The following AKAP8L variants were observed in gnomAD, a reference collection of about 807,000 sequenced individuals.
AKAP8L encodes A-kinase anchor protein 8-like.
AKAP8L carries 34 observed loss-of-function variants against 77.5 expected under a neutral mutation model. That is an observed-to-expected ratio of 0.44 (90% CI 0.33 to 0.58). AKAP8L has a LOEUF of 0.58. Among genes scored for constraint, AKAP8L ranks in the 20% least tolerant of loss-of-function variants. The probability of loss-of-function intolerance (pLI) is 0.02; values close to 1 mark genes in which losing one functional copy is unlikely to be tolerated. For synonymous variants in AKAP8L, 342 were observed against 340.7 expected (o/e 1.00, Z -0.04); for missense variants, 806 against 887.6 (o/e 0.91, Z 1.17).
chr19:15,418,585 A>C (rs1968260454), intron 1 of AKAP8L, among the ~76,000 whole-genome samples: 1 of 152,162 alleles, frequency 6.6e-6, no homozygotes, highest in Non-Finnish European at 1.5e-5. Context: ...GGGAAACCTA[A>C]GGCGTCGAGG....
intron 2 of AKAP8L, among the ~76,000 whole-genome samples, chr19:15,405,394 G>A (rs1436122039): frequency 1.3e-5 from 2 of 152,042 alleles, no homozygotes; most frequent in Non-Finnish European, 1.5e-5. Flanking sequence ...TTAGCCAGGC[G>A]TGGTGGTGCA....
Position 15,397,342 on chromosome 19 carries a change from G to C in AKAP8L, c.1406-62C>G, listed in dbSNP as rs967487990. 2 of 1,594,760 alleles carry C rather than the reference G, an allele frequency of 1.3e-6. No homozygotes were observed. Among genetic ancestry groups the C allele is most frequent in the South Asian group, 2.2e-5 (2 of 89,896 alleles). On this transcript the variant is annotated intron_variant, in intron 11 of 13. Transcript: ENST00000397410. The surrounding 1 kb of genome is among the most constrained non-coding windows in gnomAD (Gnocchi z 4.7). ...GTGCCTAAGATAGACCCAGGTGTTC[G>C]AGAAAAAAACCACACCAGCTCCTCC...
At chr19:15,412,314 G>A (rs923166476) in intron 1 of AKAP8L, among the ~76,000 whole-genome samples, 2 of 152,070 alleles carry the variant, frequency 1.3e-5, no homozygotes, top group African/African-American at 4.8e-5. Flanking sequence ...CCCAGGAGGC[G>A]GAGATTGCAG....
chr19:15,399,832 C>G lies in AKAP8L; in HGVS notation c.1049-422G>C. The G allele has an allele frequency of 3.2e-6, 1 of 312,710 alleles. No individual in the cohort carries two copies. The highest frequency in any genetic ancestry group is 6.1e-6 in the Non-Finnish European group (1 of 164,580). The allele number at this position is 312,710 out of a possible 1,614,324, so 19.4% of individuals were successfully genotyped here. On this transcript the variant is annotated intron_variant, in intron 8 of 13. Coordinates refer to ENST00000397410, the MANE Select transcript of AKAP8L (RefSeq NM_014371.4). The surrounding 1 kb of genome is among the most constrained non-coding windows in gnomAD (Gnocchi z 6.1). ...TGACGCTGGATTTGCTGTTAGGTACCTGCTGGCGCTCATCACTCAGGTGGG... is the reference window on the plus strand; with the variant it reads ...TGACGCTGGATTTGCTGTTAGGTACGTGCTGGCGCTCATCACTCAGGTGGG...
intron 1 of AKAP8L, among the ~76,000 whole-genome samples, chr19:15,415,734 A>C (rs188636864): frequency 1.0e-3 from 153 of 151,986 alleles, no homozygotes; most frequent in African/African-American, 3.6e-3. Context: ...AAAATACAAA[A>C]AATTAGCCGG....
chr19:15,390,073 A>G (rs1237579282), intron 12 of AKAP8L, among the ~76,000 whole-genome samples: 1 of 152,108 alleles, frequency 6.6e-6, no homozygotes, highest in African/African-American at 2.4e-5. Flanking sequence ...GACTATCTGA[A>G]TATACCCTAT....
In AKAP8L at chr19:15,399,573, T is replaced by G. The variant is rs1967848572; in HGVS notation, c.1049-163A>C. On this transcript the variant is annotated intron_variant, in intron 8 of 13. Transcript: ENST00000397410. This position sits in a 1 kb window ranked among gnomAD's most constrained non-coding sequence, Gnocchi z 6.1. ...GAGCAGGGCTGGGTATCCTGGGCTG[T>G]GCAGGGAGTGGGTTTGGCCTAGGCC... 2 of 639,670 alleles carry G rather than the reference T, an allele frequency of 3.1e-6. No homozygotes were observed. Among genetic ancestry groups the G allele is most frequent in the South Asian group, 3.6e-5 (2 of 56,280 alleles). The allele number at this position is 639,670 out of a possible 1,614,324, so 39.6% of individuals were successfully genotyped here. A position where few individuals can be genotyped will look rare whatever the true frequency, so the allele number is the denominator to read the frequency against.
chr19:15,418,780 C>G (rs1354706996), intron 1 of AKAP8L, 131 bp downstream of exon 1: 1 of 868,092 alleles, frequency 1.2e-6, no homozygotes, highest in Non-Finnish European at 1.8e-6. Context: ...GACGGGCCAG[C>G]GGCGCCATTT....
At position 15,406,388 on chromosome 19, in the gene AKAP8L, A is replaced by AGAGAGAGAGG. The variant is rs965092303; in HGVS notation, c.89-2347_89-2346insCCTCTCTCTC. On this transcript the variant is annotated intron_variant, in intron 2 of 13. Coordinates refer to ENST00000397410, the MANE Select transcript of AKAP8L (RefSeq NM_014371.4). ...GAGAGAGAGAGAGAGAGAGAGAGAG[A>AGAGAGAGAGG]GAGAGAGAGAGAGAGATCCTTAAAA... is the stretch of plus-strand genomic sequence containing the variant. Among the ~76,000 whole-genome samples the AGAGAGAGAGG allele has an allele frequency of 2.7e-5, 4 of 149,460 alleles. No individual in the cohort carries two copies. The Admixed American group carries it at 2.7e-4, about 10-fold the overall frequency.
chr19:15,412,053 CA>C (rs1363521362), intron 1 of AKAP8L, among the ~76,000 whole-genome samples: 1 of 152,144 alleles, frequency 6.6e-6, no homozygotes, highest in East Asian at 1.9e-4. Context: ...ACTAAAAATA[CA>C]AAAATTAGCT....
Position 15,397,486 on chromosome 19 carries a change from T to G in AKAP8L, c.1405+34A>C. 6.3e-7 allele frequency: 1 copy of G among 1,587,124 alleles called. No individual in the cohort carries two copies. The highest frequency in any genetic ancestry group is 8.6e-7 in the Non-Finnish European group (1 of 1,157,872). On this transcript the variant is annotated intron_variant, in intron 11 of 13. Transcript: ENST00000397410. The surrounding 1 kb of genome is among the most constrained non-coding windows in gnomAD (Gnocchi z 4.7). ...AAAATCAGGAGTGCAGGCTGAGGCC[T>G]TGCCTGGTGGGAGTGGGCTGAAAAT...
intron 2 of AKAP8L, among the ~76,000 whole-genome samples, chr19:15,409,949 C>CT (rs138482041): frequency 1.5e-3 from 222 of 146,196 alleles, no homozygotes; most frequent in South Asian, 5.2e-3. Context: ...ATCCTTTGGA[C>CT]TTTTTTTTTT....
In AKAP8L at chr19:15,380,312, C is replaced by T; in HGVS notation, c.1751G>A (p.Gly584Asp). 1 of 1,534,976 alleles carries T rather than the reference C, an allele frequency of 6.5e-7. No individual in the cohort carries two copies. The highest frequency in any genetic ancestry group is 1.2e-5 in the South Asian group (1 of 83,932). Residue 584 changes from glycine to aspartate, a missense_variant, in exon 14 of 14, where the codon GGC becomes GAC. Coordinates refer to ENST00000397410, the MANE Select transcript of AKAP8L (RefSeq NM_014371.4). ...GGGCACGGGAGGCTGCGCCGGCACG[C>T]CCTCTGCGCCCTCCGAGATCCCTGC... ...EAAGISEGAEGVPAQPPVPPE... is the reference protein window; with the variant it reads ...EAAGISEGAEDVPAQPPVPPE...
At position 15,387,902 on chromosome 19, in the gene AKAP8L, C is replaced by T. The variant is rs548148250; in HGVS notation, c.1537-7290G>A. Among the ~76,000 whole-genome samples the T allele has an allele frequency of 9.9e-5, 15 of 151,010 alleles. 1 individual carries two copies. In the South Asian group the frequency reaches 2.5e-3, roughly 25 times the overall value. On this transcript the variant is annotated intron_variant, in intron 12 of 13. Coordinates refer to ENST00000397410, the MANE Select transcript of AKAP8L (RefSeq NM_014371.4). ...TGAACCTGAGAGGTGGAGGTTGCAG[C>T]AAGCCAAGATCGCGCCACTGCATTC...
chr19:15,380,648 C>T (rs367722230), intron 12 of AKAP8L, 36 bp from the exon 13 acceptor site: 2 of 1,602,210 alleles, frequency 1.2e-6, no homozygotes, highest in South Asian at 2.2e-5. Context: ...AGAGGCTGCT[C>T]TGAGTGCCCT....
intron 12 of AKAP8L, among the ~76,000 whole-genome samples, chr19:15,391,995 C>T (rs1431019588): frequency 2.0e-5 from 3 of 152,204 alleles, no homozygotes; most frequent in African/African-American, 7.2e-5. Flanking sequence ...GCCGCCACAC[C>T]TGGCTAACTT....
intron 8 of AKAP8L, 26 bp downstream of exon 8, chr19:15,400,269 G>A (rs2145131388): frequency 6.2e-7 from 1 of 1,613,052 alleles, no homozygotes; most frequent in Non-Finnish European, 8.5e-7. Flanking sequence ...AGCCGCCCTA[G>A]CACCAGGCAC....
chr19:15,413,200 G>A (rs531222938), intron 1 of AKAP8L, among the ~76,000 whole-genome samples: 1 of 152,168 alleles, frequency 6.6e-6, no homozygotes, highest in Non-Finnish European at 1.5e-5. Flanking sequence ...ATTCCCCCAG[G>A]TCCAAAAGGG....
chr19:15,387,759 G>C (rs1016839229), intron 12 of AKAP8L, among the ~76,000 whole-genome samples: 1 of 152,142 alleles, frequency 6.6e-6, no homozygotes, highest in Admixed American at 6.5e-5. Flanking sequence ...AAGAGTTCGA[G>C]ACCAGCCTGG....
Sources: allele counts gnomAD v4.1 joint callset (sites outside exome capture counted in the v4.1 genomes callset), GRCh38; gene constraint gnomAD v4.1.1; non-coding constraint Gnocchi (gnomAD v3.1); transcripts MANE v1.5; gene names NCBI Gene and HGNC (gene_info 2026-07-23, HGNC 2026-07-21).